The following MSRA variants were observed in gnomAD, a reference collection of about 807,000 sequenced individuals.
MSRA encodes the protein methionine sulfoxide reductase A, also known as mitochondrial peptide methionine sulfoxide reductase.
MSRA carries 54 observed loss-of-function variants against 31.3 expected under a neutral mutation model. The observed-to-expected ratio is 1.73, with a 90% CI of 1.39 to 2.17. The LOEUF (loss-of-function observed/expected upper bound fraction) is 2.17, where lower values mean the gene tolerates loss of function less well. MSRA is among the 30% of genes most tolerant of loss of function. The pLI is 0.00. For missense variants in MSRA, 507 were observed against 300.9 expected (o/e 1.69, Z -5.07); for synonymous variants, 169 against 116.5 (o/e 1.45, Z -2.90).
intron 4 of MSRA, among the ~76,000 whole-genome samples, chr8:10,306,393 A>G (rs559255364): frequency 1.4e-4 from 22 of 152,110 alleles, no homozygotes; most frequent in Admixed American, 3.3e-4. Flanking sequence ...ATACAATTCC[A>G]TCAGATTTTA....
chr8:10,259,446 T>C lies in MSRA; in HGVS notation c.331+14223T>C, dbSNP rs926567668. The stretch of plus-strand genomic sequence containing the variant: ...AATTAGAGTCAGGTGGTAAAGGACA[T>C]ACTTCCTGGTGAAGCAGGTGTGTAG... On this transcript the variant is annotated intron_variant, in intron 3 of 5. Coordinates refer to ENST00000317173, the MANE Select transcript of MSRA (RefSeq NM_012331.5). Among the ~76,000 whole-genome samples the C allele has an allele frequency of 2.0e-5, 3 of 152,168 alleles. No homozygotes were observed. In the South Asian group the frequency reaches 6.2e-4, roughly 32 times the overall value.
chr8:10,405,502 G>T (rs976628323), intron 5 of MSRA, among the ~76,000 whole-genome samples: 2 of 152,184 alleles, frequency 1.3e-5, no homozygotes, highest in Admixed American at 1.3e-4. Context: ...TTACATGCCC[G>T]GCATTTTTTT....
At chr8:10,186,061 G>A (rs776477987) in intron 1 of MSRA, among the ~76,000 whole-genome samples, 7 of 152,102 alleles carry the variant, frequency 4.6e-5, no homozygotes, top group South Asian at 2.1e-4. Context: ...TCGGAACAGC[G>A]TGCCTCTTAC....
intron 1 of MSRA, among the ~76,000 whole-genome samples, chr8:10,161,670 G>T (rs1479010467): frequency 1.3e-5 from 2 of 152,236 alleles, no homozygotes; most frequent in South Asian, 4.1e-4. Flanking sequence ...GAGCTGGAGA[G>T]AATGCAGGAG....
intron 4 of MSRA, among the ~76,000 whole-genome samples, chr8:10,304,969 C>G (rs1043673705): frequency 6.6e-6 from 1 of 152,194 alleles, no homozygotes; most frequent in Non-Finnish European, 1.5e-5. Context: ...AACAAAAAGA[C>G]AAAACTTGTG....
chr8:10,389,913 C>T (rs541499491), intron 5 of MSRA, among the ~76,000 whole-genome samples: 2 of 152,082 alleles, frequency 1.3e-5, no homozygotes, highest in African/African-American at 2.4e-5. Flanking sequence ...CACGGAGCTG[C>T]GCTCAGGCCC....
chr8:10,063,188 C>T (rs1239460699), intron 1 of MSRA, among the ~76,000 whole-genome samples: 1 of 152,218 alleles, frequency 6.6e-6, no homozygotes, highest in Non-Finnish European at 1.5e-5. Context: ...CCAGAAGCCG[C>T]AGTCAGGGTC....
chr8:10,237,371 T>C (rs62491597), intron 2 of MSRA, among the ~76,000 whole-genome samples: 13,181 of 152,306 alleles, frequency 0.087, 651 homozygotes, highest in East Asian at 0.2. Context: ...AATTTATCTT[T>C]CTATTGACAT....
intron 1 of MSRA, among the ~76,000 whole-genome samples, chr8:10,069,023 T>G (rs978850904): frequency 2.6e-5 from 4 of 152,256 alleles, no homozygotes; most frequent in African/African-American, 9.6e-5. Context: ...TATTTCGTGT[T>G]TTTTTGATGT....
intron 1 of MSRA, among the ~76,000 whole-genome samples, chr8:10,147,057 G>C (rs916380771): frequency 3.3e-5 from 5 of 152,212 alleles, no homozygotes; most frequent in African/African-American, 1.2e-4. Flanking sequence ...GTACAGATGA[G>C]TGCCGGTTGC....
At chr8:10,264,735 A>C (rs1387466877) in intron 3 of MSRA, among the ~76,000 whole-genome samples, 1 of 152,190 alleles carries the variant, frequency 6.6e-6, no homozygotes, top group Non-Finnish European at 1.5e-5. Context: ...AGAAGCCTTG[A>C]GTCTTGATGA....
chr8:10,099,561 A>C (rs1014082981), intron 1 of MSRA, among the ~76,000 whole-genome samples: 13 of 152,374 alleles, frequency 8.5e-5, no homozygotes, highest in African/African-American at 3.1e-4. Context: ...ATAAGTATTC[A>C]TGGAAGAAAT....
At chr8:10,092,642 CA>C (rs35804227) in intron 1 of MSRA, among the ~76,000 whole-genome samples, 1,513 of 145,630 alleles carry the variant, frequency 0.01, 20 homozygotes, top group African/African-American at 0.035. Flanking sequence ...GATTCTGTCT[CA>C]AAAAAAAAAA....
At chr8:10,376,510 T>G (rs1421932745) in intron 5 of MSRA, among the ~76,000 whole-genome samples, 2 of 152,190 alleles carry the variant, frequency 1.3e-5, no homozygotes, top group African/African-American at 4.8e-5. Flanking sequence ...TCCCAATCTC[T>G]ACAATAAGGG....
At chr8:10,338,792 T>G (rs1343581193) in intron 5 of MSRA, among the ~76,000 whole-genome samples, 1 of 152,202 alleles carries the variant, frequency 6.6e-6, no homozygotes, top group Non-Finnish European at 1.5e-5. Flanking sequence ...TTCATACAAC[T>G]TCAGACAAAT....
chr8:10,334,004 T>C (rs1355368862), intron 5 of MSRA, among the ~76,000 whole-genome samples: 1 of 151,944 alleles, frequency 6.6e-6, no homozygotes, highest in Non-Finnish European at 1.5e-5. Flanking sequence ...GGCCTATACG[T>C]TTTTCTCCCC....
chr8:10,078,279 C>T (rs1010648763), intron 1 of MSRA, among the ~76,000 whole-genome samples: 1 of 152,202 alleles, frequency 6.6e-6, no homozygotes, highest in African/African-American at 2.4e-5. Flanking sequence ...AGTTTGCTAT[C>T]GAGTGTAATA....
intron 1 of MSRA, among the ~76,000 whole-genome samples, chr8:10,109,493 C>T (rs1800128361): frequency 6.6e-6 from 1 of 152,032 alleles, no homozygotes; most frequent in African/African-American, 2.4e-5. Context: ...AGGCACGCAC[C>T]TACCACACTC....
chr8:10,369,650 T>C (rs968173902), intron 5 of MSRA, among the ~76,000 whole-genome samples: 2 of 152,180 alleles, frequency 1.3e-5, no homozygotes, highest in Non-Finnish European at 2.9e-5. Flanking sequence ...GGATGAAAAC[T>C]TAAAAATGAG....
Sources: gnomAD v4.1 joint callset for allele counts (sites outside exome capture counted in the v4.1 genomes callset) on GRCh38, gnomAD v4.1.1 for gene constraint, MANE v1.5 for transcripts, NCBI Gene and HGNC (gene_info 2026-07-23, HGNC 2026-07-21) for gene names.